CTNNA2: variants seen among roughly 807,000 people sequenced by gnomAD.
CTNNA2 encodes the protein catenin alpha 2.
Under a neutral mutation model 101.0 loss-of-function variants are expected in CTNNA2, and 42 were observed. That is an observed-to-expected ratio of 0.42 (90% CI 0.32 to 0.54). CTNNA2 has a LOEUF of 0.54. Among genes scored for constraint, CTNNA2 ranks in the 20% least tolerant of loss-of-function variants. CTNNA2 has a pLI of 0.14. For missense variants in CTNNA2, 871 were observed against 1,223.1 expected, an observed-to-expected ratio of 0.71 and a Z score of 4.29; for synonymous variants, 450 against 456.4, an observed-to-expected ratio of 0.99 and a Z score of 0.18.
intron 3 of CTNNA2, among the ~76,000 whole-genome samples, chr2:79,370,176 A>G (rs2104454025): frequency 6.6e-6 from 1 of 152,356 alleles, no homozygotes; most frequent in South Asian, 2.1e-4. Flanking sequence ...AGAAAGGATT[A>G]GGCTCTCTGG....
chr2:79,502,437 T>C (rs77850525), intron 4 of CTNNA2, among the ~76,000 whole-genome samples: 1 of 152,268 alleles, frequency 6.6e-6, no homozygotes, highest in African/African-American at 2.4e-5. Flanking sequence ...AGACTGCATT[T>C]GTGATTTGCG....
intron 3 of CTNNA2, among the ~76,000 whole-genome samples, chr2:79,769,227 T>C (rs1004155966): frequency 5.9e-5 from 9 of 152,160 alleles, no homozygotes; most frequent in Admixed American, 5.9e-4. Flanking sequence ...AAATGTTGAC[T>C]TCGGAATGCC....
intron 7 of CTNNA2, among the ~76,000 whole-genome samples, chr2:80,219,323 C>T (rs1336964027): frequency 6.6e-6 from 1 of 152,146 alleles, no homozygotes; most frequent in Non-Finnish European, 1.5e-5. Context: ...ATCTATAATT[C>T]AACCAAATTA....
chr2:79,682,539 G>T (rs1397739894), intron 2 of CTNNA2, among the ~76,000 whole-genome samples: 1 of 151,586 alleles, frequency 6.6e-6, no homozygotes, highest in Non-Finnish European at 1.5e-5. Flanking sequence ...AGCTTTCACA[G>T]TTTCAAATAT....
intron 7 of CTNNA2, among the ~76,000 whole-genome samples, chr2:80,044,821 C>T (rs886820057): frequency 1.3e-5 from 2 of 152,030 alleles, no homozygotes; most frequent in African/African-American, 4.8e-5. Flanking sequence ...CAGTATTTGT[C>T]ACATGTATGA....
At chr2:80,004,310 A>G (rs900761039) in intron 7 of CTNNA2, among the ~76,000 whole-genome samples, 12 of 152,144 alleles carry the variant, frequency 7.9e-5, no homozygotes, top group African/African-American at 2.9e-4. Context: ...TGTGGTATGC[A>G]TGCTGTAAGT....
At chr2:80,213,245 C>G (rs1708025083) in intron 7 of CTNNA2, among the ~76,000 whole-genome samples, 1 of 151,844 alleles carries the variant, frequency 6.6e-6, no homozygotes, top group Non-Finnish European at 1.5e-5. Flanking sequence ...TTATTTCTTG[C>G]CTTCTGCTAG....
intron 2 of CTNNA2, among the ~76,000 whole-genome samples, chr2:79,287,493 G>C (rs1318337616): frequency 6.6e-6 from 1 of 151,774 alleles, no homozygotes; most frequent in African/African-American, 2.4e-5. Context: ...CTCAGCTGCA[G>C]GTCTATTGGA....
chr2:79,943,023 T>C (rs1360534524), intron 7 of CTNNA2, among the ~76,000 whole-genome samples: 1 of 151,948 alleles, frequency 6.6e-6, no homozygotes, highest in Non-Finnish European at 1.5e-5. Flanking sequence ...TCAAGACCAT[T>C]CTGGCCAATG....
chr2:79,777,891 G>GTTT (rs1558920888), intron 3 of CTNNA2, among the ~76,000 whole-genome samples: 13 of 135,700 alleles, frequency 9.6e-5, no homozygotes, highest in African/African-American at 3.9e-4. Context: ...ATTTGCATGG[G>GTTT]GTTTTTTTTT....
At chr2:80,464,924 T>C (rs549523424) in intron 9 of CTNNA2, among the ~76,000 whole-genome samples, 2 of 152,236 alleles carry the variant, frequency 1.3e-5, no homozygotes, top group South Asian at 2.1e-4. Flanking sequence ...GGTTCCAGAG[T>C]CTTTGCTCTC....
At chr2:79,531,484 T>C (rs1304758629) in intron 1 of CTNNA2, among the ~76,000 whole-genome samples, 1 of 151,870 alleles carries the variant, frequency 6.6e-6, no homozygotes, top group Non-Finnish European at 1.5e-5. Context: ...ATTAGGAAAT[T>C]AAATGATATT....
chr2:79,811,825 CACCTT>C (rs1161395313), intron 3 of CTNNA2, among the ~76,000 whole-genome samples: 8 of 152,248 alleles, frequency 5.3e-5, no homozygotes, highest in Non-Finnish European at 8.8e-5. Flanking sequence ...GGAGAACTGA[CACCTT>C]AACATTATTA....
In CTNNA2 at chr2:79,652,280, A is replaced by G. The variant is rs73938762; in HGVS notation, c.102+622A>G. Among the ~76,000 whole-genome samples the G allele has an allele frequency of 8.8e-3, 1,298 of 148,252 alleles. 15 individuals are homozygous for G. Among genetic ancestry groups the G allele is most frequent in the African/African-American group, 0.031 (1,238 of 40,252 alleles). On this transcript the variant is annotated intron_variant, in intron 2 of 18. Coordinates refer to ENST00000402739, the MANE Select transcript of CTNNA2 (RefSeq NM_001282597.3). ...ACCAAATTATAATAGAGGCATTTGT[A>G]TTGTCCTGTGGCTGCTATAACAAAT...
At chr2:80,563,456 C>T (rs892973711) in intron 12 of CTNNA2, among the ~76,000 whole-genome samples, 2 of 152,098 alleles carry the variant, frequency 1.3e-5, no homozygotes, top group Non-Finnish European at 2.9e-5. Context: ...TGCATGTAGC[C>T]GGAGGGCCTG....
At chr2:79,288,338 T>C (rs935689756) in intron 2 of CTNNA2, among the ~76,000 whole-genome samples, 1 of 152,238 alleles carries the variant, frequency 6.6e-6, no homozygotes, top group African/African-American at 2.4e-5. Flanking sequence ...CTCTGCATAG[T>C]AAACTACCTG....
chr2:80,561,492 T>C (rs916873861), intron 12 of CTNNA2, among the ~76,000 whole-genome samples: 2 of 152,308 alleles, frequency 1.3e-5, no homozygotes, highest in Middle Eastern at 3.4e-3. Context: ...CTTTGCACAG[T>C]AAGCATGTCA....
Position 80,445,401 on chromosome 2 carries a change from C to G in CTNNA2, c.1290+25800C>G, listed in dbSNP as rs146123705. Among the ~76,000 whole-genome samples the G allele has an allele frequency of 2.0e-4, 31 of 152,184 alleles. No homozygotes were observed. The East Asian group carries it at 5.6e-3, about 28-fold the overall frequency. On this transcript the variant is annotated intron_variant, in intron 9 of 18. Transcript: ENST00000402739. ...TTTTCCGTGTTGTCCAGGCTGGTCT[C>G]TAACTCCTGAGCTCAAGTGATCCAC...
At position 79,481,455 on chromosome 2, in the gene CTNNA2, G is replaced by A. The variant is rs570622261; in HGVS notation, c.-134-23599G>A. The stretch of plus-strand genomic sequence containing the variant: ...AGACAGAGAAGAGAGTATGGGAAGA[G>A]TCTCTTTTCCTGAGATCATACAAGA... On this transcript the variant is annotated intron_variant, in intron 4 of 21. Transcript: ENST00000466387. Among the ~76,000 whole-genome samples the A allele has an allele frequency of 5.3e-5, 8 of 152,118 alleles. No individual in the cohort carries two copies. The South Asian group carries it at 1.7e-3, about 31-fold the overall frequency.
Sources: allele counts gnomAD v4.1 joint callset (sites outside exome capture counted in the v4.1 genomes callset), GRCh38; gene constraint gnomAD v4.1.1; transcripts MANE v1.5; gene names NCBI Gene and HGNC (gene_info 2026-07-23, HGNC 2026-07-21).